MCM2: variants seen among roughly 807,000 people sequenced by gnomAD.
MCM2 encodes the protein minichromosome maintenance complex component 2, also known as DNA replication licensing factor MCM2.
MCM2 carries 49 observed loss-of-function variants against 86.4 expected under a neutral mutation model. The observed-to-expected ratio is 0.57, with a 90% CI of 0.45 to 0.72. MCM2 has a LOEUF of 0.72. Ranked by LOEUF, MCM2 falls within the 30% of genes least tolerant of loss-of-function variation. The probability of loss-of-function intolerance (pLI) is 0.00; values close to 1 mark genes in which losing one functional copy is unlikely to be tolerated. For missense variants in MCM2, 1,038 were observed against 1,259.9 expected (o/e 0.82, Z 2.67); for synonymous variants, 475 against 484.6 (o/e 0.98, Z 0.26).
rs1226568516 is a variant in MCM2 at position 127,617,901 on chromosome 3, A to G, written c.1901-68A>G. ...CCTCATCCCCTTCTGCCATCAGAGC[A>G]GCCTGGGGTCCCTGAGATGGGAGGA... is the stretch of plus-strand genomic sequence containing the variant. On this transcript the variant is annotated intron_variant, in intron 11 of 15. Coordinates refer to ENST00000265056, the MANE Select transcript of MCM2 (RefSeq NM_004526.4). This position sits in a 1 kb window ranked among gnomAD's most constrained non-coding sequence, Gnocchi z 4.1. 3 of 1,206,706 alleles carry G rather than the reference A, an allele frequency of 2.5e-6. No homozygotes were observed. Among genetic ancestry groups the G allele is most frequent in the Admixed American group, 3.8e-5 (2 of 52,572 alleles). The allele number at this position is 1,206,706 out of a possible 1,614,324, so 74.7% of individuals were successfully genotyped here.
At chr3:127,604,568 C>CT (rs2074330196) in intron 2 of MCM2, 40 bp from the exon 3 acceptor site, 1 of 1,596,350 alleles carries the variant, frequency 6.3e-7, no homozygotes, top group Non-Finnish European at 8.6e-7. Context: ...TAGGGTTTTC[C>CT]TTTTTGGCAG....
In MCM2 at chr3:127,606,212, G is replaced by C. The variant is rs755161364; in HGVS notation, c.768G>C (p.Leu256=). The C allele has an allele frequency of 3.1e-6, 5 of 1,614,144 alleles. No homozygotes were observed. The highest frequency in any genetic ancestry group is 3.4e-6 in the Non-Finnish European group (4 of 1,180,066). The change falls in exon 5 of 16, where the codon CTG becomes CTC. Residue 256 remains leucine, a synonymous_variant. Coordinates refer to ENST00000265056, the MANE Select transcript of MCM2 (RefSeq NM_004526.4). The surrounding 1 kb of genome is among the most constrained non-coding windows in gnomAD (Gnocchi z 4.2). ...TGCCTGAGGCACCGGCGGAGCTGCT[G>C]CAGATCTTTGATGAGGCTGCCCTGG... ...YFLPEAPAEL[L]QIFDEAALEV... is the part of the protein sequence containing the mutation.
chr3:127,598,977 G>C, intron 1 of MCM2: 1 of 416,570 alleles, frequency 2.4e-6, no homozygotes, highest in South Asian at 3.0e-5. Context: ...GCTGAAATAG[G>C]TCTAATGCTT....
At chr3:127,598,802 T>C (rs2074278683) in intron 1 of MCM2, 1 of 433,088 alleles carries the variant, frequency 2.3e-6, no homozygotes, top group East Asian at 3.8e-5. Flanking sequence ...ACTTTTTTTT[T>C]TTTTAATTTC....
In MCM2 at chr3:127,619,203, G is replaced by T; in HGVS notation, c.2190G>T (p.Arg730Ser). 6.2e-7 allele frequency: 1 copy of T among 1,614,174 alleles called. No individual in the cohort carries two copies. The highest frequency in any genetic ancestry group is 8.5e-7 in the Non-Finnish European group (1 of 1,180,040). Residue 730 changes from arginine to serine, a missense_variant, in exon 13 of 16, where the codon AGG becomes AGT. By Grantham distance (110) the Arg-to-Ser change is moderately radical (BLOSUM62 -1). Coordinates refer to ENST00000265056, the MANE Select transcript of MCM2 (RefSeq NM_004526.4). ...AGTACATCATCTACGCCAAGGAGAG[G>T]GTCCACCCGAAGCTCAACCAGATGG... ...LKKYIIYAKE[R>S]VHPKLNQMDQ... is the part of the protein sequence containing the mutation.
At chr3:127,605,434 C>G in intron 4 of MCM2, among the ~76,000 whole-genome samples, 1 of 86,138 alleles carries the variant, frequency 1.2e-5, no homozygotes, top group East Asian at 3.3e-4. Flanking sequence ...GGAATTGACT[C>G]TTTTTTTTTT....
At chr3:127,610,785 T>C (rs773527815) in intron 8 of MCM2, 1 of 456,700 alleles carries the variant, frequency 2.2e-6, no homozygotes, top group Non-Finnish European at 4.4e-6. Context: ...TCAGGAAAGC[T>C]CCAGAAATGC....
rs201459017 is a variant in MCM2, at chr3:127,621,031, C to T, written c.2449-42C>T. ...CGTAGGGTAAAGGGAGTGTGGCAGG[C>T]GTAGTGGGAGCGGGTGTTTGACTGA... On this transcript the variant is annotated intron_variant, in intron 14 of 15. Transcript: ENST00000265056. 3.7e-5 allele frequency: 59 copies of T among 1,601,422 alleles called. 1 individual carries two copies. The highest frequency in any genetic ancestry group is 2.7e-4 in the Admixed American group (16 of 59,538).
chr3:127,621,980 C>T lies in MCM2; in HGVS notation c.*207C>T. On this transcript the variant is annotated 3_prime_UTR_variant, in exon 16 of 16. Coordinates refer to ENST00000265056, the MANE Select transcript of MCM2 (RefSeq NM_004526.4). ...TCTCACCTTTGGGTGGGATGCCTTG[C>T]CAGTGTGTCTTACTTGGTTGCTGAA... is the stretch of plus-strand genomic sequence containing the variant. The T allele has an allele frequency of 1.9e-6, 1 of 529,982 alleles. No homozygotes were observed. Among genetic ancestry groups the T allele is most frequent in the Non-Finnish European group, 3.4e-6 (1 of 295,590 alleles). The allele number at this position is 529,982 out of a possible 1,614,324, so 32.8% of individuals were successfully genotyped here. A position where few individuals can be genotyped will look rare whatever the true frequency, so the allele number is the denominator to read the frequency against.
intron 2 of MCM2, among the ~76,000 whole-genome samples, chr3:127,601,559 T>C (rs374084882): frequency 1.0e-3 from 154 of 152,208 alleles, no homozygotes; most frequent in African/African-American, 3.6e-3. Context: ...GCGGTTTCGG[T>C]TTTACCATGT....
In MCM2 at chr3:127,604,928, C is replaced by T. The variant is rs769924051; in HGVS notation, c.445C>T (p.Arg149Cys). Reference sequence around the variant, plus strand: ...TGAGGAGGACGAGGAGCGCCCTGCCCGCAAGCGCCGCCAGGTGGAGCGGGC... The same window carrying T: ...TGAGGAGGACGAGGAGCGCCCTGCCTGCAAGCGCCGCCAGGTGGAGCGGGC... ...SDEEDEERPA[R>C]KRRQVERATE... Residue 149 changes from arginine (R) to cysteine (C), a missense_variant, in exon 4 of 16, where the codon CGC becomes TGC. By Grantham distance (180) the Arg-to-Cys change is radical (BLOSUM62 -3). This residue lies in a region of MCM2 where 300 missense variants were observed against 307.4 expected (regional missense o/e 0.98). Coordinates refer to ENST00000265056, the MANE Select transcript of MCM2 (RefSeq NM_004526.4). The T allele has an allele frequency of 1.1e-5, 17 of 1,613,134 alleles. No individual in the cohort carries two copies. In the Admixed American group the frequency reaches 1.2e-4, roughly 11 times the overall value.
At chr3:127,604,019 G>T (rs1313430823) in intron 2 of MCM2, among the ~76,000 whole-genome samples, 1 of 152,136 alleles carries the variant, frequency 6.6e-6, no homozygotes, top group Non-Finnish European at 1.5e-5. Flanking sequence ...GAACTCCTGG[G>T]CTCAAGTGAT....
intron 2 of MCM2, among the ~76,000 whole-genome samples, chr3:127,602,818 G>A (rs901004938): frequency 5.3e-5 from 8 of 152,192 alleles, no homozygotes; most frequent in East Asian, 1.9e-4. Context: ...TGTTGAAGGC[G>A]GCATAGTCAG....
rs2074481784 is a variant in MCM2, at chr3:127,621,964, T to G, written c.*191T>G. ...AAGCCTGCTTTGTGCTTCTCACCTT[T>G]GGGTGGGATGCCTTGCCAGTGTGTC... On this transcript the variant is annotated 3_prime_UTR_variant, in exon 16 of 16. Transcript: ENST00000265056. 1 of 549,534 alleles carries G rather than the reference T, an allele frequency of 1.8e-6. No individual in the cohort carries two copies. The highest frequency in any genetic ancestry group is 3.1e-5 in the East Asian group (1 of 32,248). 34.0% of individuals were successfully genotyped at this position (549,534 alleles called of 1,614,324 possible).
intron 8 of MCM2, chr3:127,610,732 C>A (rs771637616): frequency 2.2e-6 from 1 of 454,058 alleles, no homozygotes; most frequent in South Asian, 1.6e-5. Flanking sequence ...CCAGTAGGGG[C>A]AAAGCATCCA....
At chr3:127,601,359 T>TTTTG (rs199761466) in intron 2 of MCM2, among the ~76,000 whole-genome samples, 2,164 of 152,214 alleles carry the variant, frequency 0.014, 50 homozygotes, top group African/African-American at 0.045. Flanking sequence ...GGTCGTGTTT[T>TTTTG]TTTGTTTGTT....
intron 2 of MCM2, chr3:127,604,331 T>G: frequency 2.5e-6 from 1 of 394,918 alleles, no homozygotes. Flanking sequence ...CTGGCTTCTT[T>G]CACTCAGAAT....
chr3:127,598,554 C>T, intron 1 of MCM2, 82 bp downstream of exon 1: 2 of 1,543,610 alleles, frequency 1.3e-6, no homozygotes, highest in Non-Finnish European at 1.7e-6. Context: ...GGCCCCGGCC[C>T]AGGGCGGCGC....
chr3:127,612,447 T>A (rs910139337), intron 8 of MCM2, among the ~76,000 whole-genome samples: 1 of 152,208 alleles, frequency 6.6e-6, no homozygotes, highest in Non-Finnish European at 1.5e-5. Flanking sequence ...AGAGTTGTTA[T>A]AAAGATCAAA....
Sources: gnomAD v4.1 joint callset for allele counts (sites outside exome capture counted in the v4.1 genomes callset) on GRCh38, gnomAD v4.1.1 for gene constraint, gnomAD v4.1.1 regional missense constraint, Gnocchi (gnomAD v3.1) non-coding constraint, MANE v1.5 for transcripts, NCBI Gene and HGNC (gene_info 2026-07-23, HGNC 2026-07-21) for gene names.